Variants in TEAD1 observed in about 807,000 individuals in gnomAD.
TEAD1 encodes the protein transcriptional enhancer factor TEF-1.
In TEAD1, 9 loss-of-function variants were observed where a neutral mutation model predicts 54.9. The observed-to-expected ratio is 0.16, with a 90% confidence interval of 0.10 to 0.29. The LOEUF (loss-of-function observed/expected upper bound fraction) is 0.29. Ranked by LOEUF, TEAD1 falls within the 10% of genes least tolerant of loss-of-function variation. TEAD1 has a pLI of 1.00. For missense variants in TEAD1, 387 were observed against 535.9 expected, an observed-to-expected ratio of 0.72 and a Z score of 2.74; for synonymous variants, 200 against 187.8, an observed-to-expected ratio of 1.07 and a Z score of -0.53.
intron 9 of TEAD1, among the ~76,000 whole-genome samples, chr11:12,896,966 A>C (rs545807299): frequency 6.6e-6 from 1 of 152,180 alleles, no homozygotes; most frequent in Non-Finnish European, 1.5e-5. Flanking sequence ...TGAGATGTTG[A>C]TAATCAGTTG....
At chr11:12,689,916 T>A (rs899146478) in intron 2 of TEAD1, among the ~76,000 whole-genome samples, 2 of 152,016 alleles carry the variant, frequency 1.3e-5, no homozygotes, top group African/African-American at 4.8e-5. Context: ...AACCAACTAT[T>A]GATACCGTGA....
intron 2 of TEAD1, among the ~76,000 whole-genome samples, chr11:12,687,466 C>CT (rs2133819236): frequency 1.3e-5 from 2 of 152,278 alleles, no homozygotes; most frequent in South Asian, 4.1e-4. Flanking sequence ...GTTTAGTGAC[C>CT]TACCCAACAT....
intron 5 of TEAD1, among the ~76,000 whole-genome samples, chr11:12,871,637 T>C (rs1318229667): frequency 1.3e-5 from 2 of 152,138 alleles, no homozygotes; most frequent in African/African-American, 4.8e-5. Flanking sequence ...CCTTTCTTGC[T>C]GTTTTCAGAA....
chr11:12,858,332 G>A (rs894331348), intron 3 of TEAD1, among the ~76,000 whole-genome samples: 1 of 152,178 alleles, frequency 6.6e-6, no homozygotes, highest in East Asian at 1.9e-4. Context: ...TAGAGCCATA[G>A]TGTTAATGTT....
At position 12,937,310 on chromosome 11, in the gene TEAD1, C is replaced by T. The variant is rs1355992934; in HGVS notation, c.*88C>T. 2.6e-6 allele frequency: 3 copies of T among 1,141,462 alleles called. No homozygotes were observed. In the East Asian group the frequency reaches 7.8e-5, roughly 30 times the overall value. 70.7% of individuals were successfully genotyped at this position (1,141,462 alleles called of 1,614,324 possible). A position where few individuals can be genotyped will look rare whatever the true frequency, so the allele number is the denominator to read the frequency against. Reference sequence around the variant, plus strand: ...TCTCTCTCCATTATCGAACGACTGACTGTAAACCTCACCACACAGGGTGGT... The same window carrying T: ...TCTCTCTCCATTATCGAACGACTGATTGTAAACCTCACCACACAGGGTGGT... On this transcript the variant is annotated 3_prime_UTR_variant, in exon 13 of 13. Coordinates refer to ENST00000527636, the MANE Select transcript of TEAD1 (RefSeq NM_021961.6).
At chr11:12,837,597 TCTC>T (rs1030578885) in intron 3 of TEAD1, among the ~76,000 whole-genome samples, 1 of 152,098 alleles carries the variant, frequency 6.6e-6, no homozygotes, top group Non-Finnish European at 1.5e-5. Context: ...ATGGCCGTCT[TCTC>T]ATTGTGTCCT....
intron 3 of TEAD1, among the ~76,000 whole-genome samples, chr11:12,807,033 CTTTGT>C (rs1333073192): frequency 1.3e-5 from 2 of 152,122 alleles, no homozygotes; most frequent in African/African-American, 4.8e-5. Flanking sequence ...TTGCATTGCA[CTTTGT>C]TTTATTTTAA....
intron 3 of TEAD1, among the ~76,000 whole-genome samples, chr11:12,845,584 A>G (rs538258854): frequency 6.6e-6 from 1 of 152,214 alleles, no homozygotes; most frequent in Non-Finnish European, 1.5e-5. Context: ...TGATGGCTAA[A>G]TGGGAACTGC....
intron 3 of TEAD1, among the ~76,000 whole-genome samples, chr11:12,819,474 G>A (rs1424666076): frequency 1.3e-5 from 2 of 152,006 alleles, no homozygotes; most frequent in African/African-American, 4.8e-5. Context: ...TTTTGAGATG[G>A]AGTCTCGCTC....
intron 3 of TEAD1, among the ~76,000 whole-genome samples, chr11:12,788,590 T>C (rs1204047009): frequency 6.6e-6 from 1 of 152,238 alleles, no homozygotes; most frequent in South Asian, 2.1e-4. Context: ...AAAAGTATAA[T>C]GTACACATTC....
intron 10 of TEAD1, among the ~76,000 whole-genome samples, chr11:12,903,811 C>CA (rs1054138284): frequency 3.3e-4 from 49 of 150,216 alleles, no homozygotes; most frequent in African/African-American, 7.3e-4. Context: ...GACCCTGTTC[C>CA]AAAAAAAAAG....
intron 11 of TEAD1, among the ~76,000 whole-genome samples, chr11:12,929,199 T>TGTGTGTGTCTGC (rs1948964835): frequency 1.2e-5 from 1 of 84,944 alleles, no homozygotes; most frequent in Non-Finnish European, 2.6e-5. Flanking sequence ...TGTGTGTGTG[T>TGTGTGTGTCTGC]GTCTGCTTTA....
chr11:12,744,540 A>G (rs562063718), intron 2 of TEAD1, among the ~76,000 whole-genome samples: 54 of 152,370 alleles, frequency 3.5e-4, no homozygotes, highest in Non-Finnish European at 1.8e-4. Flanking sequence ...AGTGTAAGAA[A>G]GGACATCAAA....
At chr11:12,895,521 G>A (rs1192852064) in intron 9 of TEAD1, among the ~76,000 whole-genome samples, 2 of 152,152 alleles carry the variant, frequency 1.3e-5, no homozygotes, top group African/African-American at 2.4e-5. Context: ...AGTCTGACCC[G>A]AGCTCCTTTA....
chr11:12,712,152 C>T (rs1590074411), intron 2 of TEAD1, among the ~76,000 whole-genome samples: 1 of 152,142 alleles, frequency 6.6e-6, no homozygotes, highest in African/African-American at 2.4e-5. Flanking sequence ...ATGGAGTCAC[C>T]CTTGTCCTCA....
At chr11:12,693,571 C>T (rs182516332) in intron 2 of TEAD1, among the ~76,000 whole-genome samples, 2 of 152,338 alleles carry the variant, frequency 1.3e-5, no homozygotes, top group East Asian at 3.9e-4. Flanking sequence ...AGTTGAAACG[C>T]TGTTAAGTCG....
chr11:12,689,276 G>A (rs538990725), intron 2 of TEAD1, among the ~76,000 whole-genome samples: 2 of 152,250 alleles, frequency 1.3e-5, no homozygotes, highest in African/African-American at 4.8e-5. Flanking sequence ...ACACTGGATT[G>A]AATCTGTTGG....
chr11:12,694,239 G>A (rs1260483964), intron 2 of TEAD1, among the ~76,000 whole-genome samples: 3 of 152,162 alleles, frequency 2.0e-5, no homozygotes, highest in African/African-American at 7.2e-5. Flanking sequence ...CATATGTATA[G>A]TTGAAGTATC....
At chr11:12,840,151 G>T (rs2134032091) in intron 3 of TEAD1, among the ~76,000 whole-genome samples, 1 of 151,154 alleles carries the variant, frequency 6.6e-6, no homozygotes, top group Admixed American at 6.6e-5. Context: ...GGAGGCTGAG[G>T]CAGAAGAATG....
Sources: allele counts gnomAD v4.1 joint callset (sites outside exome capture counted in the v4.1 genomes callset), GRCh38; gene constraint gnomAD v4.1.1; transcripts MANE v1.5; gene names NCBI Gene and HGNC (gene_info 2026-07-23, HGNC 2026-07-21).